Variants in KCNB2 observed in about 807,000 individuals in gnomAD.
KCNB2 encodes potassium voltage-gated channel subfamily B member 2.
KCNB2 carries 15 observed loss-of-function variants against 61.5 expected under a neutral mutation model. The observed-to-expected ratio is 0.24, with a 90% CI of 0.16 to 0.38. The LOEUF is 0.38. KCNB2 is among the 10% of genes least tolerant of loss of function. The pLI, the probability that KCNB2 is intolerant of heterozygous loss-of-function variation, is 1.00. For missense variants in KCNB2, 828 were observed against 1,125.2 expected, an observed-to-expected ratio of 0.74 and a Z score of 3.78; for synonymous variants, 457 against 446.0, an observed-to-expected ratio of 1.02 and a Z score of -0.31.
intron 2 of KCNB2, among the ~76,000 whole-genome samples, chr8:72,718,908 G>T (rs1208651255): frequency 6.6e-6 from 1 of 152,032 alleles, no homozygotes; most frequent in East Asian, 1.9e-4. Context: ...GAATACTATG[G>T]GAATAAATTG....
intron 2 of KCNB2, among the ~76,000 whole-genome samples, chr8:72,887,563 A>T (rs1201320766): frequency 1.3e-5 from 2 of 152,192 alleles, no homozygotes; most frequent in Non-Finnish European, 2.9e-5. Context: ...CACTGTGTAA[A>T]CTGGCTCAAT....
intron 2 of KCNB2, among the ~76,000 whole-genome samples, chr8:72,805,384 A>AT (rs1429593695): frequency 6.6e-6 from 1 of 152,160 alleles, no homozygotes; most frequent in East Asian, 1.9e-4. Flanking sequence ...CAAAAAAGAT[A>AT]CTGTTGCTCT....
chr8:72,631,713 A>G (rs1805885308), intron 2 of KCNB2, among the ~76,000 whole-genome samples: 1 of 152,196 alleles, frequency 6.6e-6, no homozygotes, highest in African/African-American at 2.4e-5. Flanking sequence ...AATAGATAAA[A>G]TGTTCTTTGT....
intron 2 of KCNB2, among the ~76,000 whole-genome samples, chr8:72,617,597 C>A (rs74574858): frequency 9.5e-4 from 129 of 136,058 alleles, no homozygotes; most frequent in African/African-American, 9.0e-4. Context: ...CACAGAAGTG[C>A]AAAAAAAAAA....
chr8:72,550,586 A>G (rs1563520207), intron 1 of KCNB2, among the ~76,000 whole-genome samples: 1 of 152,178 alleles, frequency 6.6e-6, no homozygotes, highest in Non-Finnish European at 1.5e-5. Context: ...GGAAGTTGAG[A>G]CATTATGCTG....
In KCNB2 at chr8:72,936,851, T is replaced by C; in HGVS notation, c.1496T>C (p.Leu499Pro). 1.2e-6 allele frequency: 2 copies of C among 1,614,140 alleles called. No homozygotes were observed. Among genetic ancestry groups the C allele is most frequent in the Non-Finnish European group, 1.7e-6 (2 of 1,180,016 alleles). The change falls in exon 3 of 3, where the codon CTG (leucine) becomes CCG (proline). Residue 499 changes from leucine (L) to proline (P), a missense_variant. Coordinates refer to ENST00000523207, the MANE Select transcript of KCNB2 (RefSeq NM_004770.3). The surrounding 1 kb of genome is among the most constrained non-coding windows in gnomAD (Gnocchi z 5.6). ...PSRWKWARKA[L>P]SETSSNKSFE... ...CGGTGGAAGTGGGCCAGGAAGGCTCTGTCGGAAACAAGCTCCAACAAGTCT... is the reference window on the plus strand; with the variant it reads ...CGGTGGAAGTGGGCCAGGAAGGCTCCGTCGGAAACAAGCTCCAACAAGTCT...
At chr8:72,605,152 C>T (rs751475707) in intron 2 of KCNB2, among the ~76,000 whole-genome samples, 4 of 152,276 alleles carry the variant, frequency 2.6e-5, no homozygotes, top group South Asian at 2.1e-4. Context: ...AATAGAAGTA[C>T]GCTGTAAAAA....
At chr8:72,711,309 C>T (rs750002494) in intron 2 of KCNB2, among the ~76,000 whole-genome samples, 1 of 152,332 alleles carries the variant, frequency 6.6e-6, no homozygotes, top group East Asian at 1.9e-4. Flanking sequence ...GTGGCAAATA[C>T]TCCCAAGAGC....
chr8:72,571,785 A>G (rs1009309025), intron 2 of KCNB2, among the ~76,000 whole-genome samples: 2 of 152,176 alleles, frequency 1.3e-5, no homozygotes, highest in African/African-American at 4.8e-5. Flanking sequence ...TGTGCCTTTC[A>G]TAGGATCGTG....
At chr8:72,615,151 C>T (rs888068347) in intron 2 of KCNB2, among the ~76,000 whole-genome samples, 9 of 152,168 alleles carry the variant, frequency 5.9e-5, no homozygotes, top group African/African-American at 2.2e-4. Context: ...TGAAACAGCC[C>T]CAAGTCTGCC....
intron 2 of KCNB2, among the ~76,000 whole-genome samples, chr8:72,731,142 G>T (rs1807731438): frequency 6.6e-6 from 1 of 152,168 alleles, no homozygotes; most frequent in Non-Finnish European, 1.5e-5. Flanking sequence ...GGATGGAAGG[G>T]TGAGTGAGTG....
rs1487317471 is a variant in KCNB2 at position 72,932,746 on chromosome 8, A to AT, written c.580-3188dup. Reference sequence around the variant, plus strand: ...GCGTTAGTGAGACCTGGCTTGCCACATAAGTGCCATAAGAGCTTGCTATAA... The same window carrying AT: ...GCGTTAGTGAGACCTGGCTTGCCACATTAAGTGCCATAAGAGCTTGCTATAA... On this transcript the variant is annotated intron_variant, in intron 2 of 2. Coordinates refer to ENST00000523207, the MANE Select transcript of KCNB2 (RefSeq NM_004770.3). Among the ~76,000 whole-genome samples the AT allele has an allele frequency of 3.3e-5, 5 of 152,222 alleles. No homozygotes were observed. In the East Asian group the frequency reaches 9.6e-4, roughly 29 times the overall value.
At chr8:72,781,036 C>A (rs1384698478) in intron 2 of KCNB2, among the ~76,000 whole-genome samples, 1 of 152,002 alleles carries the variant, frequency 6.6e-6, no homozygotes, top group Non-Finnish European at 1.5e-5. Context: ...TGAGAAGTAT[C>A]TGTTCATGTC....
intron 2 of KCNB2, chr8:72,751,381 G>T (rs1278775745): frequency 2.0e-5 from 3 of 152,168 alleles, no homozygotes; most frequent in Non-Finnish European, 2.9e-5. Context: ...TGTTATAGAT[G>T]AAGACACTAA....
intron 2 of KCNB2, among the ~76,000 whole-genome samples, chr8:72,900,190 C>T (rs148571888): frequency 1.1e-3 from 174 of 152,196 alleles, no homozygotes; most frequent in African/African-American, 3.6e-3. Flanking sequence ...AGAAGTAAAG[C>T]TACATACTTA....
intron 2 of KCNB2, among the ~76,000 whole-genome samples, chr8:72,628,863 C>T (rs1805835793): frequency 6.6e-6 from 1 of 152,328 alleles, no homozygotes; most frequent in Admixed American, 6.5e-5. Flanking sequence ...CTCTTCTTAC[C>T]TTTATAAAGT....
Position 72,936,874 on chromosome 8 carries a change from T to A in KCNB2, c.1519T>A (p.Ser507Thr). 6 of 1,613,900 alleles carry A rather than the reference T, an allele frequency of 3.7e-6. No individual in the cohort carries two copies. The highest frequency in any genetic ancestry group is 4.5e-5 in the East Asian group (2 of 44,858). Residue 507 changes from serine (S) to threonine (T), a missense_variant, in exon 3 of 3, where the codon TCT (serine) becomes ACT (threonine). Coordinates refer to ENST00000523207, the MANE Select transcript of KCNB2 (RefSeq NM_004770.3). The surrounding 1 kb of genome is among the most constrained non-coding windows in gnomAD (Gnocchi z 5.6). ...KALSETSSNK[S>T]FENKYQEVSQ... Reference sequence around the variant, plus strand: ...TCTGTCGGAAACAAGCTCCAACAAGTCTTTCGAGAATAAGTACCAGGAGGT... The same window carrying A: ...TCTGTCGGAAACAAGCTCCAACAAGACTTTCGAGAATAAGTACCAGGAGGT...
Position 72,937,953 on chromosome 8 carries a change from C to T in KCNB2, c.2598C>T (p.Asp866=), listed in dbSNP as rs753271974. The stretch of plus-strand genomic sequence containing the variant: ...ACACAGGTCACAACTGTAGGCAAGA[C>T]ATTTACCATGCTGTGAGTGAAGTCA... ...PQDTGHNCRQ[D]IYHAVSEVKK... is the part of the protein sequence containing the mutation. Residue 866 remains aspartate, a synonymous_variant, in exon 3 of 3, where the codon GAC becomes GAT. Transcript: ENST00000523207. 16 of 1,614,078 alleles carry T rather than the reference C, an allele frequency of 9.9e-6. No individual in the cohort carries two copies. The highest frequency in any genetic ancestry group is 1.4e-5 in the Non-Finnish European group (16 of 1,180,008).
intron 2 of KCNB2, among the ~76,000 whole-genome samples, chr8:72,821,641 C>CAA (rs61090576): frequency 2.9e-4 from 36 of 125,786 alleles, no homozygotes; most frequent in Non-Finnish European, 4.7e-4. Context: ...CAAAAAAAAA[C>CAA]AAAAAAAAAA....
Sources: gnomAD v4.1 joint callset for allele counts (sites outside exome capture counted in the v4.1 genomes callset) on GRCh38, gnomAD v4.1.1 for gene constraint, Gnocchi (gnomAD v3.1) non-coding constraint, MANE v1.5 for transcripts, NCBI Gene and HGNC (gene_info 2026-07-23, HGNC 2026-07-21) for gene names.